Variants in CPEB2 observed in about 807,000 individuals in gnomAD.
CPEB2 encodes cytoplasmic polyadenylation element binding protein 2.
CPEB2 carries 56 observed loss-of-function variants against 93.6 expected under a neutral mutation model. That is an observed-to-expected ratio of 0.60 (90% CI 0.48 to 0.75). The LOEUF is 0.75. CPEB2 is among the 30% of genes least tolerant of loss of function. The pLI, the probability that CPEB2 is intolerant of heterozygous loss-of-function variation, is 0.00. For missense variants in CPEB2, 1,579 were observed against 1,395.1 expected, an observed-to-expected ratio of 1.13 and a Z score of -2.10; for synonymous variants, 764 against 586.3, an observed-to-expected ratio of 1.30 and a Z score of -4.38.
rs903096281 is a variant in CPEB2, at chr4:15,007,487, G to A, written c.1845G>A (p.Pro615=). The change falls in exon 2 of 12, where the codon CCG becomes CCA. Residue 615 remains proline, a synonymous_variant. Transcript: ENST00000538197. ...KPFSGNVIAP[P]KFTRSTPSLT... ...TTTCTGGTAATGTCATAGCACCACC[G>A]AAATTTACTCGCTCAACTCCATCAC... 4.2e-5 allele frequency: 67 copies of A among 1,613,980 alleles called. No individual in the cohort carries two copies. Among genetic ancestry groups the A allele is most frequent in the Non-Finnish European group, 5.4e-5 (64 of 1,179,998 alleles).
chr4:15,045,729 T>G (rs914710745), intron 6 of CPEB2, among the ~76,000 whole-genome samples: 5 of 152,154 alleles, frequency 3.3e-5, no homozygotes, highest in Non-Finnish European at 7.4e-5. Context: ...AATATTACCT[T>G]TAAGATTATT....
rs146884468 is a variant in CPEB2, at chr4:15,047,096, A to G, written c.2201-5318A>G. Among the ~76,000 whole-genome samples, 1,341 of 152,336 alleles carry G rather than the reference A, an allele frequency of 8.8e-3. 10 individuals carry two copies. The highest frequency in any genetic ancestry group is 0.014 in the South Asian group (69 of 4,834). ...AAAAACATCAAGTGACTGTACATGT[A>G]TAGGCCCATTTCTAGACTCTATTAT... On this transcript the variant is annotated intron_variant, in intron 6 of 11. Coordinates refer to ENST00000538197, the MANE Select transcript of CPEB2 (RefSeq NM_001177382.2).
In CPEB2 at chr4:15,002,569, T is replaced by C. The variant is rs2108926989; in HGVS notation, c.-105T>C. 7 of 918,156 alleles carry C rather than the reference T, an allele frequency of 7.6e-6. No homozygotes were observed. Among genetic ancestry groups the C allele is most frequent in the South Asian group, 7.3e-5 (4 of 54,668 alleles). The allele number at this position is 918,156 out of a possible 1,614,324, so 56.9% of individuals were successfully genotyped here. On this transcript the variant is annotated 5_prime_UTR_variant, in exon 1 of 12. Coordinates refer to ENST00000538197, the MANE Select transcript of CPEB2 (RefSeq NM_001177382.2). The stretch of plus-strand genomic sequence containing the variant: ...CTCAGTCACGGTGTCCCTCTCTCAC[T>C]GACTCCCCCTCCTTCCACCACGGCC...
At chr4:15,008,268 C>G in intron 2 of CPEB2, 70 bp from the exon 3 acceptor site, 1 of 1,047,994 alleles carries the variant, frequency 9.5e-7, no homozygotes, top group Non-Finnish European at 1.5e-6. Context: ...TGTTTTCTTT[C>G]TTTCTTTCGT....
chr4:15,004,361 G>T (rs1357613466), intron 1 of CPEB2, 26 bp downstream of exon 1: 1 of 1,410,938 alleles, frequency 7.1e-7, no homozygotes, highest in Non-Finnish European at 9.2e-7. Flanking sequence ...GCCTGGCCGC[G>T]CCGCGGGACC....
chr4:15,037,310 CAA>C (rs537054086), intron 5 of CPEB2, among the ~76,000 whole-genome samples: 1 of 129,670 alleles, frequency 7.7e-6, no homozygotes, highest in Non-Finnish European at 1.7e-5. Context: ...GACTCCGCCT[CAA>C]AAAAAAAAAA....
At position 15,062,167 on chromosome 4, in the gene CPEB2, T is replaced by A. The variant is rs1165689458; in HGVS notation, c.2784T>A (p.Gly928=). Residue 928 remains glycine (G), a synonymous_variant, in exon 11 of 12, where the codon GGT becomes GGA. Coordinates refer to ENST00000538197, the MANE Select transcript of CPEB2 (RefSeq NM_001177382.2). ...DTDPELKYPK[G]AGRVAFSNQQ... ...ATCCTGAGCTAAAATACCCAAAAGG[T>A]GCTGGGCGAGTTGCTTTCTCCAATC... 6.2e-7 allele frequency: 1 copy of A among 1,613,094 alleles called. No individual in the cohort carries two copies. Among genetic ancestry groups the A allele is most frequent in the South Asian group, 1.1e-5 (1 of 91,034 alleles).
chr4:15,025,053 T>C (rs1725294991), intron 4 of CPEB2, among the ~76,000 whole-genome samples: 1 of 152,114 alleles, frequency 6.6e-6, no homozygotes. Flanking sequence ...CTCCCATTTT[T>C]TAATATTACC....
rs1015174125 is a variant in CPEB2 at position 15,067,689 on chromosome 4, T to C, written c.*1309T>C. On this transcript the variant is annotated 3_prime_UTR_variant, in exon 12 of 12. Transcript: ENST00000538197. Reference sequence around the variant, plus strand: ...AAGTCAAAATGGAGAAGGGGAAATATACAGATGGCTAGTTGCATAAAATTA... The same window carrying C: ...AAGTCAAAATGGAGAAGGGGAAATACACAGATGGCTAGTTGCATAAAATTA... The C allele has an allele frequency of 2.0e-5, 3 of 152,432 alleles. No individual in the cohort carries two copies. Among genetic ancestry groups the C allele is most frequent in the African/African-American group, 2.4e-5 (1 of 41,424 alleles). The allele number at this position is 152,432 out of a possible 1,614,324, so 9.4% of individuals were successfully genotyped here.
In CPEB2 at chr4:15,003,954, G is replaced by C; in HGVS notation, c.1281G>C (p.Pro427=). 1 of 1,325,404 alleles carries C rather than the reference G, an allele frequency of 7.5e-7. No homozygotes were observed. The highest frequency in any genetic ancestry group is 9.8e-7 in the Non-Finnish European group (1 of 1,020,198). The allele number at this position is 1,325,404 out of a possible 1,614,324, so 82.1% of individuals were successfully genotyped here. A position where few individuals can be genotyped will look rare whatever the true frequency, so the allele number is the denominator to read the frequency against. ...PQPPGSSATT[P]GGGSGGSLSA... ...CGCCCGGCTCGTCTGCCACCACCCC[G>C]GGCGGCGGCAGCGGCGGCTCGCTCA... The change falls in exon 1 of 12, where the codon CCG becomes CCC. Residue 427 remains proline (P), a synonymous_variant. Transcript: ENST00000538197.
rs16891319 is a variant in CPEB2, at chr4:15,045,910, G to C, written c.2200+5423G>C. Among the ~76,000 whole-genome samples, 1,066 of 152,238 alleles carry C rather than the reference G, an allele frequency of 7.0e-3. 16 individuals carry two copies. Among genetic ancestry groups the C allele is most frequent in the African/African-American group, 0.025 (1,026 of 41,554 alleles). On this transcript the variant is annotated intron_variant, in intron 6 of 11. Coordinates refer to ENST00000538197, the MANE Select transcript of CPEB2 (RefSeq NM_001177382.2). ...ATGATTAGCTTTTTGTACGGAAATT[G>C]TATAGAAAGGAAATTACAATTAGTA...
chr4:15,032,738 A>G (rs1193425002), intron 4 of CPEB2, among the ~76,000 whole-genome samples: 1 of 152,064 alleles, frequency 6.6e-6, no homozygotes, highest in Non-Finnish European at 1.5e-5. Context: ...ATTGTTTTTG[A>G]TTTAGGAATA....
intron 8 of CPEB2, among the ~76,000 whole-genome samples, chr4:15,055,856 T>C (rs561093810): frequency 6.6e-6 from 1 of 152,272 alleles, no homozygotes; most frequent in South Asian, 2.1e-4. Context: ...TTGTATCTCT[T>C]CCTTAGGTCT....
chr4:15,054,711 G>C (rs912260776), intron 8 of CPEB2, among the ~76,000 whole-genome samples: 9 of 151,988 alleles, frequency 5.9e-5, no homozygotes, highest in African/African-American at 1.9e-4. Context: ...CACAGGACAA[G>C]AATTACAAAT....
At chr4:15,059,067 A>T (rs956220633) in intron 9 of CPEB2, 120 bp from the exon 10 acceptor site, 1 of 534,618 alleles carries the variant, frequency 1.9e-6, no homozygotes, top group Non-Finnish European at 3.3e-6. Context: ...ATTTGTTTCC[A>T]GATCCCACTA....
At chr4:15,032,723 T>G (rs1168722926) in intron 4 of CPEB2, among the ~76,000 whole-genome samples, 2 of 152,154 alleles carry the variant, frequency 1.3e-5, no homozygotes, top group Non-Finnish European at 2.9e-5. Context: ...TATTTTAACA[T>G]TTTAATTGTT....
At chr4:15,035,048 G>T (rs55967729) in intron 5 of CPEB2, among the ~76,000 whole-genome samples, 1 of 152,092 alleles carries the variant, frequency 6.6e-6, no homozygotes, top group Non-Finnish European at 1.5e-5. Context: ...CTCATAGTAC[G>T]TAGATCTACT....
At chr4:15,029,968 A>AG (rs1353326874) in intron 4 of CPEB2, among the ~76,000 whole-genome samples, 3 of 151,916 alleles carry the variant, frequency 2.0e-5, no homozygotes, top group Admixed American at 2.0e-4. Context: ...GGGTACACTT[A>AG]CCTACAAGAA....
rs911772636 is a variant in CPEB2, at chr4:15,067,662, T to C, written c.*1282T>C. On this transcript the variant is annotated 3_prime_UTR_variant, in exon 12 of 12. Coordinates refer to ENST00000538197, the MANE Select transcript of CPEB2 (RefSeq NM_001177382.2). ...ATGCAAAACTTTAGTAAACCCTAAG[T>C]AAAGTCAAAATGGAGAAGGGGAAAT... is the stretch of plus-strand genomic sequence containing the variant. The C allele has an allele frequency of 6.6e-6, 1 of 152,542 alleles. No individual in the cohort carries two copies. Among genetic ancestry groups the C allele is most frequent in the South Asian group, 2.1e-4 (1 of 4,826 alleles). The allele number at this position is 152,542 out of a possible 1,614,324, so 9.4% of individuals were successfully genotyped here.
Sources: gnomAD v4.1 joint callset for allele counts (sites outside exome capture counted in the v4.1 genomes callset) on GRCh38, gnomAD v4.1.1 for gene constraint, MANE v1.5 for transcripts, NCBI Gene and HGNC (gene_info 2026-07-23, HGNC 2026-07-21) for gene names.